The following LRRC4C variants were observed in gnomAD, a reference collection of about 807,000 sequenced individuals.
The protein encoded by LRRC4C is leucine rich repeat containing 4C.
In LRRC4C, 5 loss-of-function variants were observed where a neutral mutation model predicts 33.6. The observed-to-expected ratio is 0.15, with a 90% CI of 0.08 to 0.31. The LOEUF is 0.31. Ranked by LOEUF, LRRC4C falls within the 10% of genes least tolerant of loss-of-function variation. The probability of loss-of-function intolerance (pLI) is 1.00; values close to 1 mark genes in which losing one functional copy is unlikely to be tolerated. For missense variants in LRRC4C, 560 were observed against 796.7 expected (o/e 0.70, Z 3.58); for synonymous variants, 329 against 302.0 (o/e 1.09, Z -0.93).
chr11:40,418,915 C>T (rs1950425674), intron 3 of LRRC4C, among the ~76,000 whole-genome samples: 1 of 152,162 alleles, frequency 6.6e-6, no homozygotes, highest in East Asian at 1.9e-4. Context: ...TAAGTGGGAG[C>T]TAAACAATGA....
At chr11:40,732,658 T>C (rs1947650240) in intron 2 of LRRC4C, among the ~76,000 whole-genome samples, 1 of 152,218 alleles carries the variant, frequency 6.6e-6, no homozygotes, top group African/African-American at 2.4e-5. Context: ...ATCACAATCA[T>C]TACCTTCATC....
At chr11:41,093,306 T>C (rs1035375152) in intron 1 of LRRC4C, among the ~76,000 whole-genome samples, 1 of 152,248 alleles carries the variant, frequency 6.6e-6, no homozygotes. Context: ...CATGTCTGAA[T>C]ATAACACCAA....
intron 1 of LRRC4C, among the ~76,000 whole-genome samples, chr11:41,375,243 A>C (rs535811075): frequency 6.6e-6 from 1 of 152,288 alleles, no homozygotes; most frequent in African/African-American, 2.4e-5. Context: ...ATATATATTT[A>C]AACATTTTTA....
At chr11:40,531,896 G>T (rs1375262016) in intron 3 of LRRC4C, among the ~76,000 whole-genome samples, 1 of 151,096 alleles carries the variant, frequency 6.6e-6, no homozygotes, top group African/African-American at 2.4e-5. Flanking sequence ...GAATAACATG[G>T]TTAAGCTTTT....
intron 1 of LRRC4C, among the ~76,000 whole-genome samples, chr11:41,450,434 G>A (rs1481302695): frequency 6.6e-6 from 1 of 152,128 alleles, no homozygotes; most frequent in African/African-American, 2.4e-5. Flanking sequence ...ATAGAAAAAA[G>A]TAACTGTTTC....
At chr11:40,416,699 A>T (rs1950336388) in intron 3 of LRRC4C, among the ~76,000 whole-genome samples, 1 of 152,220 alleles carries the variant, frequency 6.6e-6, no homozygotes. Context: ...AGGCAAAGTG[A>T]GATTTACTGG....
chr11:40,618,865 G>A (rs1346208705), intron 3 of LRRC4C, among the ~76,000 whole-genome samples: 3 of 151,658 alleles, frequency 2.0e-5, no homozygotes, highest in African/African-American at 7.3e-5. Context: ...TAGAAAAGCA[G>A]GTGGCATTTT....
chr11:40,192,299 G>A (rs1213116722), intron 5 of LRRC4C, among the ~76,000 whole-genome samples: 1 of 152,100 alleles, frequency 6.6e-6, no homozygotes, highest in African/African-American at 2.4e-5. Context: ...GTTAGATAGT[G>A]GGTGCAGCCC....
intron 4 of LRRC4C, among the ~76,000 whole-genome samples, chr11:40,303,217 G>A (rs1166143330): frequency 6.6e-6 from 1 of 152,124 alleles, no homozygotes. Flanking sequence ...AAAGGCAGAA[G>A]ATCTGGAGTT....
intron 1 of LRRC4C, among the ~76,000 whole-genome samples, chr11:41,388,261 T>C (rs991606092): frequency 6.6e-6 from 1 of 151,768 alleles, no homozygotes; most frequent in Non-Finnish European, 1.5e-5. Flanking sequence ...GTGGAGATTG[T>C]GGTAGTGCTA....
intron 3 of LRRC4C, among the ~76,000 whole-genome samples, chr11:40,612,817 G>C (rs192796238): frequency 1.3e-5 from 2 of 151,924 alleles, no homozygotes; most frequent in Non-Finnish European, 2.9e-5. Flanking sequence ...GATATTACAA[G>C]TTTGGTACCA....
chr11:40,983,732 G>A (rs543731144), intron 1 of LRRC4C, among the ~76,000 whole-genome samples: 10 of 152,038 alleles, frequency 6.6e-5, no homozygotes, highest in East Asian at 3.9e-4. Context: ...GCTAATAAGT[G>A]TATGAAAAAA....
Position 40,116,047 on chromosome 11 carries a change from G to A in LRRC4C, c.246C>T (p.Asn82=), listed in dbSNP as rs1407283005. Reference sequence around the variant, plus strand: ...TGATCTGGATTTGGTTCTCATGGAGGTTCAGCAGCCGTGTGTTGGTGGAGA... The same window carrying A: ...TGATCTGGATTTGGTTCTCATGGAGATTCAGCAGCCGTGTGTTGGTGGAGA... ...DGISTNTRLL[N]LHENQIQIIK... Residue 82 remains asparagine (N), a synonymous_variant, in exon 7 of 7, where the codon AAC becomes AAT. Transcript: ENST00000528697. 6.2e-7 allele frequency: 1 copy of A among 1,614,088 alleles called. No individual in the cohort carries two copies. The highest frequency in any genetic ancestry group is 1.3e-5 in the African/African-American group (1 of 75,010).
At chr11:40,892,894 A>C (rs1448346170) in intron 2 of LRRC4C, among the ~76,000 whole-genome samples, 1 of 152,184 alleles carries the variant, frequency 6.6e-6, no homozygotes, top group Non-Finnish European at 1.5e-5. Context: ...AATGTATTTA[A>C]TGTCACTAAA....
intron 5 of LRRC4C, among the ~76,000 whole-genome samples, chr11:40,219,315 A>T (rs1864230743): frequency 6.6e-6 from 1 of 152,180 alleles, no homozygotes; most frequent in African/African-American, 2.4e-5. Context: ...TTTCTATGGG[A>T]CAGTGCTGTT....
At chr11:41,232,299 C>G (rs998280143) in intron 1 of LRRC4C, among the ~76,000 whole-genome samples, 3 of 152,050 alleles carry the variant, frequency 2.0e-5, no homozygotes, top group Admixed American at 1.3e-4. Context: ...ACTTCGGTGA[C>G]TTTGATATAC....
At chr11:40,606,303 C>A (rs1320076653) in intron 3 of LRRC4C, among the ~76,000 whole-genome samples, 1 of 152,068 alleles carries the variant, frequency 6.6e-6, no homozygotes. Context: ...ATTACCAGCT[C>A]CTGAATGAAG....
At chr11:40,761,391 C>A (rs568341587) in intron 2 of LRRC4C, among the ~76,000 whole-genome samples, 3 of 152,240 alleles carry the variant, frequency 2.0e-5, no homozygotes, top group Admixed American at 6.5e-5. Flanking sequence ...GCTGTTTCAC[C>A]TTGAGCAAGC....
chr11:41,251,987 T>C (rs1005715763), intron 1 of LRRC4C, among the ~76,000 whole-genome samples: 2 of 152,114 alleles, frequency 1.3e-5, no homozygotes, highest in African/African-American at 4.8e-5. Context: ...TTCAGATATA[T>C]GCATGCCAGG....
Sources: gnomAD v4.1 joint callset for allele counts (sites outside exome capture counted in the v4.1 genomes callset) on GRCh38, gnomAD v4.1.1 for gene constraint, MANE v1.5 for transcripts, NCBI Gene and HGNC (gene_info 2026-07-23, HGNC 2026-07-21) for gene names.